The following DCUN1D2 variants were observed in gnomAD, a reference collection of about 807,000 sequenced individuals.
The protein encoded by DCUN1D2 is DCN1-like protein 2.
DCUN1D2 carries 29 observed loss-of-function variants against 30.9 expected under a neutral mutation model. The observed-to-expected ratio is 0.94, with a 90% CI of 0.70 to 1.28. The LOEUF is 1.28. Ranked by LOEUF, DCUN1D2 falls within the 50% of genes most tolerant of loss-of-function variation. The pLI is 0.00. For missense variants in DCUN1D2, 325 were observed against 316.9 expected (o/e 1.03, Z -0.19); for synonymous variants, 121 against 115.3 (o/e 1.05, Z -0.32).
At chr13:113,467,932 T>C (rs1184155410) in intron 4 of DCUN1D2, among the ~76,000 whole-genome samples, 2 of 149,918 alleles carry the variant, frequency 1.3e-5, no homozygotes, top group Non-Finnish European at 3.0e-5. Context: ...TAATCCCAGC[T>C]ACTTGGGAGG....
In DCUN1D2 at chr13:113,457,852, C is replaced by T. The variant is rs547779506; in HGVS notation, c.*177G>A. 32 of 649,402 alleles carry T rather than the reference C, an allele frequency of 4.9e-5. No homozygotes were observed. The East Asian group carries it at 6.6e-4, about 13-fold the overall frequency. 40.2% of individuals were successfully genotyped at this position (649,402 alleles called of 1,614,324 possible). A position where few individuals can be genotyped will look rare whatever the true frequency, so the allele number is the denominator to read the frequency against. ...AAGCAGCCGTGTCCCGAGGAACTTC[C>T]TGCGGTGTCCACAAAGCAGCCGCTG... On this transcript the variant is annotated 3_prime_UTR_variant, in exon 7 of 7. Coordinates refer to ENST00000478244, the MANE Select transcript of DCUN1D2 (RefSeq NM_001014283.2).
Position 113,462,845 on chromosome 13 carries a change from C to G in DCUN1D2, c.521-1709G>C, listed in dbSNP as rs745786367. 11 of 1,246,246 alleles carry G rather than the reference C, an allele frequency of 8.8e-6. No homozygotes were observed. In the South Asian group the frequency reaches 9.8e-5, roughly 11 times the overall value. The allele number at this position is 1,246,246 out of a possible 1,614,324, so 77.2% of individuals were successfully genotyped here. On this transcript the variant is annotated intron_variant, in intron 4 of 6. Coordinates refer to ENST00000478244, the MANE Select transcript of DCUN1D2 (RefSeq NM_001014283.2). ...AACATTAATTGAAATCTATATTCAA[C>G]TCATCTTAATGATGTAAAGCTTTCA...
At chr13:113,480,437 A>G in intron 3 of DCUN1D2, 138 bp downstream of exon 3, 1 of 711,580 alleles carries the variant, frequency 1.4e-6, no homozygotes, top group Non-Finnish European at 2.2e-6. Flanking sequence ...TAGTGCGGAG[A>G]GTACAGACGC....
intron 4 of DCUN1D2, among the ~76,000 whole-genome samples, chr13:113,471,253 T>TC (rs2044508814): frequency 5.5e-5 from 3 of 54,476 alleles, no homozygotes; most frequent in Non-Finnish European, 1.1e-4. Context: ...AGACCCAACT[T>TC]CACAAGGGAC....
chr13:113,483,769 C>A (rs2044751031), intron 2 of DCUN1D2, 71 bp downstream of exon 2: 5 of 1,484,774 alleles, frequency 3.4e-6, no homozygotes, highest in East Asian at 2.3e-5. Context: ...GCACCAGAAC[C>A]CTGGAAGTGC....
At chr13:113,490,896 C>G, upstream of DCUN1D2, 1 of 257,632 alleles carries the variant, frequency 3.9e-6, no homozygotes, top group Non-Finnish European at 7.0e-6. The surrounding 1 kb of genome is among the most constrained non-coding windows in gnomAD (Gnocchi z 5.2). Context: ...TGGCTCGCCC[C>G]TGCGGGGTCC....
intron 4 of DCUN1D2, among the ~76,000 whole-genome samples, chr13:113,465,010 AAAGAT>A (rs1167661481): frequency 6.6e-6 from 1 of 152,370 alleles, no homozygotes; most frequent in African/African-American, 2.4e-5. Flanking sequence ...AAAAATTCTT[AAAGAT>A]AATACCTACA....
chr13:113,478,591 CCTT>C (rs2044656432), intron 3 of DCUN1D2, among the ~76,000 whole-genome samples: 1 of 151,996 alleles, frequency 6.6e-6, no homozygotes, highest in South Asian at 2.1e-4. Flanking sequence ...TTCAGCCTTT[CCTT>C]CTTTCTAAAA....
intron 2 of DCUN1D2, among the ~76,000 whole-genome samples, chr13:113,480,971 A>AG (rs1470931739): frequency 3.4e-4 from 39 of 113,054 alleles, no homozygotes; most frequent in Middle Eastern, 4.3e-3. Flanking sequence ...TCTGGGTTTT[A>AG]GGGAAAAAAA....
chr13:113,478,379 T>C (rs2044653372), intron 3 of DCUN1D2, among the ~76,000 whole-genome samples: 1 of 152,146 alleles, frequency 6.6e-6, no homozygotes, highest in Non-Finnish European at 1.5e-5. Flanking sequence ...TCGTCCCCCT[T>C]TTCATCTACG....
At chr13:113,463,629 G>A (rs2044354146) in intron 4 of DCUN1D2, among the ~76,000 whole-genome samples, 1 of 151,918 alleles carries the variant, frequency 6.6e-6, no homozygotes, top group Non-Finnish European at 1.5e-5. Flanking sequence ...CATTAAAACA[G>A]AGCCAAGTAA....
Position 113,490,469 on chromosome 13 carries a change from G to T in DCUN1D2, c.3+198C>A. On this transcript the variant is annotated intron_variant, in intron 1 of 6. Transcript: ENST00000478244. The surrounding 1 kb of genome is among the most constrained non-coding windows in gnomAD (Gnocchi z 5.2). ...CCTCGCGGCTCCGGGTCAAACCCGC[G>T]CTCCCCGCGGTCCCGCGCCTCCGAC... 1 of 511,004 alleles carries T rather than the reference G, an allele frequency of 2.0e-6. No homozygotes were observed. Among genetic ancestry groups the T allele is most frequent in the Non-Finnish European group, 3.0e-6 (1 of 332,996 alleles). The allele number at this position is 511,004 out of a possible 1,614,324, so 31.7% of individuals were successfully genotyped here.
At chr13:113,462,372 T>G (rs2044332807) in intron 4 of DCUN1D2, among the ~76,000 whole-genome samples, 1 of 152,128 alleles carries the variant, frequency 6.6e-6, no homozygotes, top group Non-Finnish European at 1.5e-5. Flanking sequence ...AGAGTTATAT[T>G]TATGTAAGAT....
intron 4 of DCUN1D2, among the ~76,000 whole-genome samples, chr13:113,472,933 T>A (rs2044547352): frequency 6.6e-6 from 1 of 151,904 alleles, no homozygotes; most frequent in Admixed American, 6.6e-5. Flanking sequence ...CAGCCCCGTC[T>A]CTCTCCCGTG....
chr13:113,464,575 G>A (rs113900585), intron 4 of DCUN1D2, among the ~76,000 whole-genome samples: 18 of 152,372 alleles, frequency 1.2e-4, no homozygotes, highest in African/African-American at 3.4e-4. Context: ...TGGAAGGGAC[G>A]CTGCGCGTTT....
chr13:113,466,028 G>T (rs999126986), intron 4 of DCUN1D2, among the ~76,000 whole-genome samples: 1 of 152,154 alleles, frequency 6.6e-6, no homozygotes, highest in South Asian at 2.1e-4. Flanking sequence ...TGGGACTACA[G>T]GTGTGTGCCA....
At chr13:113,482,851 G>A (rs564945741) in intron 2 of DCUN1D2, among the ~76,000 whole-genome samples, 1 of 152,272 alleles carries the variant, frequency 6.6e-6, no homozygotes, top group East Asian at 1.9e-4. Context: ...GCTGAGGCAG[G>A]AGAATCGCTT....
chr13:113,484,095 G>A (rs775862055), intron 1 of DCUN1D2, 39 bp from the exon 2 acceptor site: 9 of 1,608,688 alleles, frequency 5.6e-6, no homozygotes, highest in Non-Finnish European at 7.6e-6. Context: ...CAATGAAGCC[G>A]CTCCAGGTTT....
At chr13:113,465,334 G>C (rs1262999835) in intron 4 of DCUN1D2, among the ~76,000 whole-genome samples, 2 of 152,110 alleles carry the variant, frequency 1.3e-5, no homozygotes, top group African/African-American at 2.4e-5. Flanking sequence ...AGACCTCTGA[G>C]AATTAAACTG....
Sources: gnomAD v4.1 joint callset for allele counts (sites outside exome capture counted in the v4.1 genomes callset) on GRCh38, gnomAD v4.1.1 for gene constraint, Gnocchi (gnomAD v3.1) non-coding constraint, MANE v1.5 for transcripts, NCBI Gene and HGNC (gene_info 2026-07-23, HGNC 2026-07-21) for gene names.